CNKSR3: variants seen among roughly 807,000 people sequenced by gnomAD.
The protein encoded by CNKSR3 is connector enhancer of kinase suppressor of ras 3.
A neutral mutation model predicts 67.7 loss-of-function variants in CNKSR3; 36 were observed. The observed-to-expected ratio is 0.53, with a 90% confidence interval of 0.41 to 0.70. The LOEUF (loss-of-function observed/expected upper bound fraction) is 0.70. Among genes scored for constraint, CNKSR3 ranks in the 30% least tolerant of loss-of-function variants. CNKSR3 has a pLI of 0.00. For synonymous variants in CNKSR3, 281 were observed against 271.4 expected, an observed-to-expected ratio of 1.04 and a Z score of -0.35; for missense variants, 630 against 695.2, an observed-to-expected ratio of 0.91 and a Z score of 1.05.
Position 154,450,122 on chromosome 6 carries a change from C to A in CNKSR3, c.189G>T (p.Leu63Phe). 1 of 1,614,174 alleles carries A rather than the reference C, an allele frequency of 6.2e-7. No individual in the cohort carries two copies. Among genetic ancestry groups the A allele is most frequent in the South Asian group, 1.1e-5 (1 of 91,074 alleles). The part of the protein sequence containing the change: ...VTRIGHQELV[L>F]EAVDLLCALN... ...GTGCACAGAGAAGGTCCACAGCCTC[C>A]AACACAAGCTCCTGGTGTCCAATCC... Residue 63 changes from leucine (L) to phenylalanine (F), a missense_variant, in exon 2 of 13, where the codon TTG becomes TTT. Physicochemically the swap from Leu to Phe is conservative, Grantham distance 22. Around this residue, in one of 3 missense-constraint regions of CNKSR3, gnomAD observed 189 missense variants for 205.0 expected, o/e 0.92. Transcript: ENST00000607772.
intron 1 of CNKSR3, among the ~76,000 whole-genome samples, chr6:154,480,854 AATTT>A (rs905725487): frequency 5.3e-5 from 8 of 152,332 alleles, no homozygotes; most frequent in African/African-American, 1.9e-4. Context: ...ATCTTTAAGA[AATTT>A]ATTTGATAGC....
At chr6:154,417,831 T>C (rs1021400843) in intron 9 of CNKSR3, among the ~76,000 whole-genome samples, 1 of 152,126 alleles carries the variant, frequency 6.6e-6, no homozygotes, top group Non-Finnish European at 1.5e-5. Flanking sequence ...TCCTTGACTT[T>C]GAACTTCTAC....
At chr6:154,450,472 G>A (rs1286204955) in intron 1 of CNKSR3, among the ~76,000 whole-genome samples, 2 of 152,154 alleles carry the variant, frequency 1.3e-5, no homozygotes, top group African/African-American at 4.8e-5. Context: ...TGATCCAACA[G>A]AATTTTATGA....
At position 154,442,267 on chromosome 6, in the gene CNKSR3, G is replaced by A. The variant is rs6557351; in HGVS notation, c.240C>T (p.Asn80=). 378,864 of 1,611,126 alleles carry A rather than the reference G, an allele frequency of 0.24. 51,351 individuals are homozygous for A. The highest frequency in any genetic ancestry group is 0.58 in the African/African-American group (43,750 of 74,820). Residue 80 remains asparagine, a synonymous_variant, in exon 3 of 13, where the codon AAC becomes AAT. Coordinates refer to ENST00000607772, the MANE Select transcript of CNKSR3 (RefSeq NM_173515.4). The part of the protein sequence containing the change: ...CALNYGLETD[N]MKNLVLKLRA... ...TCAGTTTCAGAACCAAGTTCTTCAT[G>A]TTATCAGTTTCGAGGCCATAATTCT...
In CNKSR3 at chr6:154,494,410, G is replaced by A. The variant is rs565403972; in HGVS notation, c.52+15653C>T. On this transcript the variant is annotated intron_variant, in intron 1 of 12. Transcript: ENST00000607772. Reference sequence around the variant, plus strand: ...TTATGGGAACTACAACTCAAGATGAGATTTGGTTGGGGACACAGCCAAACT... The same window carrying A: ...TTATGGGAACTACAACTCAAGATGAAATTTGGTTGGGGACACAGCCAAACT... Among the ~76,000 whole-genome samples the A allele has an allele frequency of 2.6e-5, 4 of 152,264 alleles. No individual in the cohort carries two copies. In the East Asian group the frequency reaches 5.8e-4, roughly 22 times the overall value.
In CNKSR3 at chr6:154,389,366, T is replaced by C. The variant is rs370125080; in HGVS notation, c.*16988A>G. ...GAGACTATCCTTTCCCCATTATGTATTCTTGGCACCATTGTTGAAGATCAG... is the reference window on the plus strand; with the variant it reads ...GAGACTATCCTTTCCCCATTATGTACTCTTGGCACCATTGTTGAAGATCAG... On this transcript the variant is annotated 3_prime_UTR_variant, in exon 13 of 13. Transcript: ENST00000607772. 1.4e-4 allele frequency: 22 copies of C among 152,594 alleles called. No individual in the cohort carries two copies. The East Asian group carries it at 3.1e-3, about 21-fold the overall frequency. The allele number at this position is 152,594 out of a possible 1,614,324, so 9.5% of individuals were successfully genotyped here.
chr6:154,413,805 T>C (rs1169602694), intron 10 of CNKSR3, among the ~76,000 whole-genome samples: 1 of 152,134 alleles, frequency 6.6e-6, no homozygotes, highest in Non-Finnish European at 1.5e-5. Context: ...TGGATTGCAA[T>C]GGCACAAACT....
chr6:154,406,424 G>A lies in CNKSR3; in HGVS notation c.1598C>T (p.Thr533Met), dbSNP rs759686444. The A allele has an allele frequency of 6.2e-6, 10 of 1,614,184 alleles. No individual in the cohort carries two copies. In the South Asian group the frequency reaches 8.8e-5, roughly 14 times the overall value. Residue 533 changes from threonine to methionine, a missense_variant, in exon 13 of 13, where the codon ACG (threonine) becomes ATG (methionine). Physicochemically the swap from Thr to Met is moderately conservative, Grantham distance 81 (BLOSUM62 -1). Coordinates refer to ENST00000607772, the MANE Select transcript of CNKSR3 (RefSeq NM_173515.4). ...GGACGGTTCTGTGGACGAGGACTTCGTAGCTGAGGAGCCAGATTTCTTTTT... is the reference window on the plus strand; with the variant it reads ...GGACGGTTCTGTGGACGAGGACTTCATAGCTGAGGAGCCAGATTTCTTTTT... ...GTKKKSGSSA[T>M]KSSSTEPSLL... is the part of the protein sequence containing the mutation.
At chr6:154,421,975 T>C (rs557392084) in intron 9 of CNKSR3, among the ~76,000 whole-genome samples, 1 of 149,794 alleles carries the variant, frequency 6.7e-6, no homozygotes, top group African/African-American at 2.5e-5. Flanking sequence ...TAACTTTTAA[T>C]GTCATTTCAT....
intron 3 of CNKSR3, 56 bp from the exon 4 acceptor site, chr6:154,441,435 C>A (rs1785584675): frequency 3.1e-6 from 4 of 1,299,416 alleles, no homozygotes; most frequent in Admixed American, 3.4e-5. Flanking sequence ...ACGGGGATCC[C>A]ACTGGATGTT....
At position 154,399,583 on chromosome 6, in the gene CNKSR3, T is replaced by A. The variant is rs75147750; in HGVS notation, c.*6771A>T. The stretch of plus-strand genomic sequence containing the variant: ...CCCCCGCCTGCTTCTATCTGCTTGA[T>A]GCAAATTCCCAAAAGTCAAAGGCTT... On this transcript the variant is annotated 3_prime_UTR_variant, in exon 13 of 13. Transcript: ENST00000607772. 6.6e-6 allele frequency: 1 copy of A among 151,994 alleles called. No individual in the cohort carries two copies. Among genetic ancestry groups the A allele is most frequent in the Non-Finnish European group, 1.5e-5 (1 of 68,024 alleles). The allele number at this position is 151,994 out of a possible 1,614,324, so 9.4% of individuals were successfully genotyped here.
intron 1 of CNKSR3, among the ~76,000 whole-genome samples, chr6:154,494,728 C>T (rs1786844060): frequency 1.3e-5 from 2 of 152,052 alleles, no homozygotes; most frequent in African/African-American, 4.8e-5. Flanking sequence ...AGCACCAAAC[C>T]TTGAAGAGCC....
chr6:154,407,257 G>A (rs1260019246), intron 12 of CNKSR3, among the ~76,000 whole-genome samples: 4 of 152,192 alleles, frequency 2.6e-5, no homozygotes, highest in Admixed American at 6.5e-5. Flanking sequence ...AACTGTTTAT[G>A]CATTGTTTAA....
chr6:154,502,685 TC>T (rs1472464153), intron 1 of CNKSR3, among the ~76,000 whole-genome samples: 1 of 152,198 alleles, frequency 6.6e-6, no homozygotes, highest in Non-Finnish European at 1.5e-5. Flanking sequence ...GAAACTGCCT[TC>T]CTGTGCATCT....
intron 9 of CNKSR3, among the ~76,000 whole-genome samples, chr6:154,415,116 A>AAG (rs1784994068): frequency 1.4e-5 from 2 of 144,504 alleles, no homozygotes; most frequent in African/African-American, 5.4e-5. Context: ...AAAAAAAAAA[A>AAG]AAAAAACAAG....
chr6:154,467,714 T>G (rs1169585883), intron 1 of CNKSR3, among the ~76,000 whole-genome samples: 1 of 151,570 alleles, frequency 6.6e-6, no homozygotes, highest in Non-Finnish European at 1.5e-5. Context: ...TATAACTATG[T>G]AAAGTATGTG....
intron 1 of CNKSR3, among the ~76,000 whole-genome samples, chr6:154,455,753 A>G (rs969606244): frequency 6.6e-6 from 1 of 152,178 alleles, no homozygotes; most frequent in African/African-American, 2.4e-5. Flanking sequence ...ATAAGCAACT[A>G]AACTATTGAT....
intron 9 of CNKSR3, among the ~76,000 whole-genome samples, chr6:154,420,306 G>A (rs1178703430): frequency 6.6e-6 from 1 of 152,012 alleles, no homozygotes; most frequent in Non-Finnish European, 1.5e-5. Context: ...GGGGATTGGG[G>A]AATCCTGGTC....
intron 12 of CNKSR3, among the ~76,000 whole-genome samples, chr6:154,409,872 T>C (rs56107942): frequency 0.035 from 3,803 of 110,166 alleles, 83 homozygotes; most frequent in Non-Finnish European, 0.055. Context: ...ATTGAGACTC[T>C]GTCTCTACCA....
Sources: allele counts gnomAD v4.1 joint callset (sites outside exome capture counted in the v4.1 genomes callset), GRCh38; gene constraint gnomAD v4.1.1; regional missense constraint gnomAD v4.1.1; transcripts MANE v1.5; gene names NCBI Gene and HGNC (gene_info 2026-07-23, HGNC 2026-07-21).